Variants in FILIP1 observed in about 807,000 individuals in gnomAD.
The protein encoded by FILIP1 is filamin-A-interacting protein 1.
FILIP1 carries 61 observed loss-of-function variants against 102.1 expected under a neutral mutation model. The ratio of observed to expected loss-of-function variants is 0.60; its 90% CI spans 0.49 to 0.74. FILIP1 has a LOEUF of 0.74. FILIP1 is among the 30% of genes least tolerant of loss of function. The probability of loss-of-function intolerance (pLI) is 0.00; values close to 1 mark genes in which losing one functional copy is unlikely to be tolerated. For synonymous variants in FILIP1, 491 were observed against 526.9 expected, an observed-to-expected ratio of 0.93 and a Z score of 0.93; for missense variants, 1,314 against 1,441.2, an observed-to-expected ratio of 0.91 and a Z score of 1.43.
At chr6:75,296,768 A>C (rs1420106541) in intron 6 of FILIP1, 1 of 151,868 alleles carries the variant, frequency 6.6e-6, no homozygotes, top group East Asian at 1.9e-4. Context: ...TATATGTTTT[A>C]AAATATAAAT....
intron 4 of FILIP1, among the ~76,000 whole-genome samples, chr6:75,346,944 G>C (rs939036495): frequency 6.6e-6 from 1 of 152,132 alleles, no homozygotes; most frequent in African/African-American, 2.4e-5. Flanking sequence ...CTTGAAAACT[G>C]TCTATTCCCA....
intron 1 of FILIP1, among the ~76,000 whole-genome samples, chr6:75,427,150 C>G (rs1366953682): frequency 6.6e-6 from 1 of 152,056 alleles, no homozygotes; most frequent in Non-Finnish European, 1.5e-5. Context: ...TTGACTTATA[C>G]ATGAATGTAA....
At chr6:75,385,967 A>G (rs1776081845) in intron 2 of FILIP1, among the ~76,000 whole-genome samples, 1 of 152,112 alleles carries the variant, frequency 6.6e-6, no homozygotes, top group Non-Finnish European at 1.5e-5. Flanking sequence ...ACTTTTTCCA[A>G]ATAAATGACC....
At chr6:75,379,389 A>G (rs537607085) in intron 2 of FILIP1, among the ~76,000 whole-genome samples, 22 of 152,364 alleles carry the variant, frequency 1.4e-4, no homozygotes, top group African/African-American at 4.1e-4. Flanking sequence ...TGCTTTACAC[A>G]GAAGCTAAAG....
At chr6:75,468,138 A>G (rs1041088685) in intron 1 of FILIP1, among the ~76,000 whole-genome samples, 3 of 152,140 alleles carry the variant, frequency 2.0e-5, no homozygotes, top group African/African-American at 7.2e-5. Context: ...ATCCCCTCCC[A>G]TACACTCTTG....
intron 4 of FILIP1, among the ~76,000 whole-genome samples, chr6:75,345,624 C>T (rs962903602): frequency 6.6e-5 from 10 of 152,106 alleles, no homozygotes; most frequent in African/African-American, 9.7e-5. Context: ...GCTATGTAAA[C>T]GTCACACCTG....
chr6:75,368,804 G>C (rs886411874), intron 2 of FILIP1, among the ~76,000 whole-genome samples: 2 of 152,132 alleles, frequency 1.3e-5, no homozygotes, highest in South Asian at 2.1e-4. Context: ...CAATGAGTTT[G>C]GATTTTGTCA....
intron 2 of FILIP1, among the ~76,000 whole-genome samples, 192 bp downstream of exon 2, chr6:75,414,505 T>A (rs1490998673): frequency 6.6e-6 from 1 of 152,190 alleles, no homozygotes; most frequent in East Asian, 1.9e-4. Context: ...TCAGCACTTT[T>A]TCATTTAGCA....
chr6:75,481,257 ATTG>A (rs1211968614), intron 1 of FILIP1, among the ~76,000 whole-genome samples: 1 of 152,176 alleles, frequency 6.6e-6, no homozygotes, highest in Non-Finnish European at 1.5e-5. Context: ...AACATTCACC[ATTG>A]TATCCCAATC....
At chr6:75,412,440 C>T (rs953900526) in intron 2 of FILIP1, among the ~76,000 whole-genome samples, 1 of 152,166 alleles carries the variant, frequency 6.6e-6, no homozygotes, top group Non-Finnish European at 1.5e-5. Context: ...CTGGCCAGAA[C>T]TTCCAATACT....
intron 2 of FILIP1, among the ~76,000 whole-genome samples, chr6:75,378,115 A>G (rs1775800542): frequency 6.6e-6 from 1 of 152,230 alleles, no homozygotes; most frequent in Non-Finnish European, 1.5e-5. Flanking sequence ...TTTTCTGCTT[A>G]AAGGCATCTT....
At chr6:75,365,539 G>A (rs555617324) in intron 2 of FILIP1, among the ~76,000 whole-genome samples, 24 of 151,994 alleles carry the variant, frequency 1.6e-4, no homozygotes, top group Non-Finnish European at 3.4e-4. Flanking sequence ...GGCACATGCC[G>A]CCTCGCCTGG....
chr6:75,418,367 A>G (rs1169825277), intron 1 of FILIP1, among the ~76,000 whole-genome samples: 3 of 152,384 alleles, frequency 2.0e-5, no homozygotes, highest in African/African-American at 7.2e-5. Flanking sequence ...AACCTTCTGC[A>G]GAACTTCTAA....
At chr6:75,462,330 C>T (rs1779045858) in intron 1 of FILIP1, among the ~76,000 whole-genome samples, 1 of 152,066 alleles carries the variant, frequency 6.6e-6, no homozygotes, top group Non-Finnish European at 1.5e-5. Flanking sequence ...AGGCACAAAG[C>T]TTGACCCCTT....
At chr6:75,334,664 A>C (rs1041418278) in intron 4 of FILIP1, 15 of 152,290 alleles carry the variant, frequency 9.8e-5, no homozygotes, top group African/African-American at 3.6e-4. Context: ...GAAGCATAGT[A>C]GCTTTGTTTT....
downstream of FILIP1, among the ~76,000 whole-genome samples, chr6:75,305,096 C>A (rs1476086305): frequency 6.6e-6 from 1 of 152,102 alleles, no homozygotes; most frequent in Non-Finnish European, 1.5e-5. Flanking sequence ...AAAGAAATAA[C>A]CAATGATGAG....
chr6:75,394,677 A>G (rs1776403578), intron 2 of FILIP1, among the ~76,000 whole-genome samples: 1 of 152,216 alleles, frequency 6.6e-6, no homozygotes, highest in Admixed American at 6.5e-5. Flanking sequence ...CAACATTTGA[A>G]AAGATGTTCA....
At chr6:75,405,604 T>C (rs968945927) in intron 2 of FILIP1, among the ~76,000 whole-genome samples, 1 of 152,220 alleles carries the variant, frequency 6.6e-6, no homozygotes, top group Admixed American at 6.5e-5. Context: ...TATAGAAGGG[T>C]GTGCCCTTAC....
chr6:75,359,877 C>A (rs1775120557), intron 3 of FILIP1, among the ~76,000 whole-genome samples: 1 of 151,828 alleles, frequency 6.6e-6, no homozygotes, highest in Non-Finnish European at 1.5e-5. Context: ...GGGAACAGGG[C>A]CTGAAAAAAG....
Sources: gnomAD v4.1 joint callset for allele counts (sites outside exome capture counted in the v4.1 genomes callset) on GRCh38, gnomAD v4.1.1 for gene constraint, MANE v1.5 for transcripts, NCBI Gene and HGNC (gene_info 2026-07-23, HGNC 2026-07-21) for gene names.